RNLS: variants seen among roughly 807,000 people sequenced by gnomAD.
RNLS encodes renalase, FAD dependent amine oxidase.
In RNLS, 39 loss-of-function variants were observed where a neutral mutation model predicts 39.8. That is an observed-to-expected ratio of 0.98 (90% CI 0.76 to 1.28). The LOEUF (loss-of-function observed/expected upper bound fraction) is 1.28, where lower values mean the gene tolerates loss of function less well. Among genes scored for constraint, RNLS ranks in the 50% most tolerant of loss-of-function variants. RNLS has a pLI of 0.00. For missense variants in RNLS, 410 were observed against 413.3 expected, an observed-to-expected ratio of 0.99 and a Z score of 0.07; for synonymous variants, 147 against 150.7, an observed-to-expected ratio of 0.98 and a Z score of 0.18.
At position 88,456,902 on chromosome 10, in the gene RNLS, G is replaced by T. The variant is rs139509889; in HGVS notation, c.527-94177C>A. The stretch of plus-strand genomic sequence containing the variant: ...TTAAGATTTAAAATGTTTTCTTCAC[G>T]GCCTTCTTGCACAATATCAGTGGCT... On this transcript the variant is annotated intron_variant, in intron 4 of 6. Transcript: ENST00000331772. Among the ~76,000 whole-genome samples the T allele has an allele frequency of 7.4e-4, 112 of 152,172 alleles. 1 individual carries two copies. Among genetic ancestry groups the T allele is most frequent in the South Asian group, 7.1e-3 (34 of 4,816 alleles).
At chr10:88,287,410 T>A (rs1157368490) in intron 6 of RNLS, among the ~76,000 whole-genome samples, 3 of 152,122 alleles carry the variant, frequency 2.0e-5, no homozygotes, top group African/African-American at 7.2e-5. Flanking sequence ...GGGTGATCAA[T>A]TAGAGCTTTT....
intron 5 of RNLS, among the ~76,000 whole-genome samples, chr10:88,352,715 A>C (rs1283149047): frequency 6.6e-6 from 1 of 152,222 alleles, no homozygotes; most frequent in African/African-American, 2.4e-5. Flanking sequence ...CTGGCCTCAT[A>C]AAATGAGTTA....
the RNLS span, among the ~76,000 whole-genome samples, chr10:88,240,636 G>A: frequency 6.6e-6 from 1 of 151,930 alleles, no homozygotes; most frequent in African/African-American, 2.4e-5. Flanking sequence ...TCAATCACCA[G>A]CTTCTATCAA....
chr10:88,495,366 G>A (rs557074719), intron 4 of RNLS, among the ~76,000 whole-genome samples: 1 of 152,094 alleles, frequency 6.6e-6, no homozygotes, highest in African/African-American at 2.4e-5. Context: ...AGGGAGGGGG[G>A]ATCATTAGAT....
the RNLS span, among the ~76,000 whole-genome samples, chr10:88,193,301 G>A: frequency 2.0e-5 from 3 of 152,126 alleles, no homozygotes; most frequent in African/African-American, 7.2e-5. Flanking sequence ...GAGCTACGGG[G>A]ATTAGATTAG....
chr10:88,176,845 T>C, the RNLS span, among the ~76,000 whole-genome samples: 1 of 152,244 alleles, frequency 6.6e-6, no homozygotes, highest in African/African-American at 2.4e-5. Flanking sequence ...CTCCTTCATT[T>C]CTGAGAGATA....
At chr10:88,398,763 CCAA>C (rs1475796980) in intron 4 of RNLS, among the ~76,000 whole-genome samples, 2 of 151,604 alleles carry the variant, frequency 1.3e-5, no homozygotes. Flanking sequence ...GAACAAACAA[CCAA>C]AGGGGGGCAA....
At chr10:88,578,721 A>G (rs1006934904) in intron 3 of RNLS, among the ~76,000 whole-genome samples, 20 of 152,136 alleles carry the variant, frequency 1.3e-4, no homozygotes, top group African/African-American at 4.8e-4. Context: ...AAGGAATTAA[A>G]AATAATCTCT....
intron 4 of RNLS, among the ~76,000 whole-genome samples, chr10:88,543,864 C>A (rs749883662): frequency 1.2e-4 from 19 of 152,224 alleles, no homozygotes; most frequent in Admixed American, 3.3e-4. Context: ...TTGTTTGAGA[C>A]AGCATAAGGG....
chr10:88,186,459 C>G, the RNLS span, among the ~76,000 whole-genome samples: 1 of 152,126 alleles, frequency 6.6e-6, no homozygotes, highest in Admixed American at 6.6e-5. Context: ...CACATGTCAT[C>G]TCTGTTCATC....
intron 4 of RNLS, among the ~76,000 whole-genome samples, chr10:88,371,859 T>C (rs1850586318): frequency 1.3e-5 from 2 of 152,202 alleles, no homozygotes; most frequent in Admixed American, 6.6e-5. Context: ...ATAGCTGGCT[T>C]TTTTTGGAAG....
chr10:88,361,519 T>G (rs558983025), intron 5 of RNLS, among the ~76,000 whole-genome samples: 1 of 152,350 alleles, frequency 6.6e-6, no homozygotes, highest in South Asian at 2.1e-4. Flanking sequence ...AAATAGTCCA[T>G]TGAAGTTCTA....
intron 4 of RNLS, among the ~76,000 whole-genome samples, chr10:88,474,823 T>C (rs1843720478): frequency 6.6e-6 from 1 of 152,190 alleles, no homozygotes; most frequent in Admixed American, 6.6e-5. Flanking sequence ...CTGATCCTGG[T>C]GCAGTCAGCT....
intron 6 of RNLS, among the ~76,000 whole-genome samples, chr10:88,295,211 C>T (rs112946163): frequency 9.2e-5 from 14 of 152,254 alleles, no homozygotes; most frequent in African/African-American, 3.1e-4. Flanking sequence ...ATAACTGATA[C>T]TCCAAACTGG....
At chr10:88,353,610 T>C (rs1033193983) in intron 5 of RNLS, among the ~76,000 whole-genome samples, 4 of 152,250 alleles carry the variant, frequency 2.6e-5, no homozygotes, top group Admixed American at 2.6e-4. Context: ...TTACATTTGC[T>C]GAGGAGTGCT....
chr10:88,288,941 C>G (rs1843477800), intron 6 of RNLS, among the ~76,000 whole-genome samples: 1 of 152,146 alleles, frequency 6.6e-6, no homozygotes, highest in Middle Eastern at 3.2e-3. Context: ...AATAATGCAG[C>G]CTTTGGCTAT....
chr10:88,335,757 T>C (rs1847442029), intron 5 of RNLS, among the ~76,000 whole-genome samples: 1 of 152,220 alleles, frequency 6.6e-6, no homozygotes, highest in Admixed American at 6.5e-5. Flanking sequence ...TGTGATCCTT[T>C]CCTGCCAAAC....
intron 4 of RNLS, among the ~76,000 whole-genome samples, chr10:88,426,154 TG>T (rs1564790293): frequency 6.6e-6 from 1 of 152,100 alleles, no homozygotes; most frequent in Non-Finnish European, 1.5e-5. Context: ...AATTAGAATA[TG>T]GCTCTTTGTA....
Position 88,573,288 on chromosome 10 carries a change from T to A in RNLS, c.368-227A>T, listed in dbSNP as rs1325905. On this transcript the variant is annotated intron_variant, in intron 3 of 6. Coordinates refer to ENST00000331772, the MANE Select transcript of RNLS (RefSeq NM_001031709.3). Reference sequence around the variant, plus strand: ...GTGCCTGCTCTGAATCAAAAACTACTCCTACAATTAGTGATAAAAATAAAA... The same window carrying A: ...GTGCCTGCTCTGAATCAAAAACTACACCTACAATTAGTGATAAAAATAAAA... Among the ~76,000 whole-genome samples, 55,258 of 151,966 alleles carry A rather than the reference T, an allele frequency of 0.36. 10,795 individuals carry two copies. Among genetic ancestry groups the A allele is most frequent in the African/African-American group, 0.5 (20,559 of 41,424 alleles).
Sources: allele counts gnomAD v4.1 joint callset (sites outside exome capture counted in the v4.1 genomes callset), GRCh38; gene constraint gnomAD v4.1.1; transcripts MANE v1.5; gene names NCBI Gene and HGNC (gene_info 2026-07-23, HGNC 2026-07-21).